The following ABCG5 variants were observed in gnomAD, a reference collection of about 807,000 sequenced individuals.
ABCG5 encodes ATP binding cassette subfamily G member 5, also known as ATP-binding cassette sub-family G member 5.
A neutral mutation model predicts 64.5 loss-of-function variants in ABCG5; 64 were observed. The observed-to-expected ratio is 0.99, with a 90% CI of 0.81 to 1.22. ABCG5 has a LOEUF of 1.22. Among genes scored for constraint, ABCG5 ranks in the 50% most tolerant of loss-of-function variants. ABCG5 has a pLI of 0.00. For synonymous variants in ABCG5, 385 were observed against 326.3 expected (o/e 1.18, Z -1.94); for missense variants, 908 against 829.5 (o/e 1.09, Z -1.16).
chr2:43,835,839 C>T (rs184704758), intron 2 of ABCG5, among the ~76,000 whole-genome samples: 1 of 152,240 alleles, frequency 6.6e-6, no homozygotes, highest in Non-Finnish European at 1.5e-5. Flanking sequence ...ACTTCCCAGC[C>T]CCTAGAACTG....
At chr2:43,829,826 G>A (rs1430080757) in intron 4 of ABCG5, among the ~76,000 whole-genome samples, 1 of 152,166 alleles carries the variant, frequency 6.6e-6, no homozygotes, top group Non-Finnish European at 1.5e-5. Flanking sequence ...AATGACTTGT[G>A]GACCAACATT....
At chr2:43,837,711 G>A (rs1169170654) in intron 2 of ABCG5, 123 bp downstream of exon 2, 4 of 1,301,728 alleles carry the variant, frequency 3.1e-6, no homozygotes, top group Non-Finnish European at 4.4e-6. Flanking sequence ...TTCACAGTCA[G>A]ATATCAATAG....
intron 2 of ABCG5, among the ~76,000 whole-genome samples, chr2:43,834,491 C>G (rs984257984): frequency 7.9e-5 from 12 of 152,084 alleles, no homozygotes; most frequent in African/African-American, 2.7e-4. Flanking sequence ...TTTTAAGCCA[C>G]TAAATTTTGG....
chr2:43,816,567 G>A (rs571472424), intron 11 of ABCG5, among the ~76,000 whole-genome samples: 3 of 152,010 alleles, frequency 2.0e-5, no homozygotes, highest in African/African-American at 4.8e-5. Flanking sequence ...TTTTTTGAAC[G>A]GAGTCTTGTT....
downstream of ABCG5, chr2:43,809,890 C>A (rs1156662632): frequency 2.0e-5 from 28 of 1,433,386 alleles, no homozygotes; most frequent in Non-Finnish European, 2.5e-5. Flanking sequence ...AAAGGACAAG[C>A]TGGATTTCTT....
intron 4 of ABCG5, chr2:43,828,384 C>T (rs1295840095): frequency 2.0e-6 from 1 of 491,402 alleles, no homozygotes; most frequent in Non-Finnish European, 3.7e-6. Context: ...GCCTGTAATC[C>T]CAATACTTTG....
rs1317823441 is a variant in ABCG5, at chr2:43,813,713, T to A, written c.1763-404A>T. On this transcript the variant is annotated intron_variant, in intron 12 of 12. Coordinates refer to ENST00000405322, the MANE Select transcript of ABCG5 (RefSeq NM_022436.3). ...TTTTTTGGGGTTTTTTTTTTCGTTT[T>A]TTTTTTTTTTTTTTTTTTTTTTGAG... Among the ~76,000 whole-genome samples the A allele has an allele frequency of 3.5e-4, 40 of 115,314 alleles. 1 individual carries two copies. Among genetic ancestry groups the A allele is most frequent in the African/African-American group, 1.3e-3 (34 of 26,442 alleles). The allele number at this position is 115,314 out of a possible 152,430, so 75.7% of individuals were successfully genotyped here.
At chr2:43,814,698 C>G in intron 11 of ABCG5, 109 bp from the exon 12 acceptor site, 1 of 654,926 alleles carries the variant, frequency 1.5e-6, no homozygotes, top group Non-Finnish European at 2.7e-6. Context: ...AGTTTTCTAT[C>G]TCCTTATTAT....
intron 2 of ABCG5, among the ~76,000 whole-genome samples, chr2:43,837,120 CTTT>C (rs113990483): frequency 1.3e-4 from 17 of 131,318 alleles, no homozygotes; most frequent in South Asian, 2.6e-4. Context: ...ATTCTCCAGT[CTTT>C]TTTTTTTTTT....
At chr2:43,809,592 T>C (rs549847993), downstream of ABCG5, 8 of 705,180 alleles carry the variant, frequency 1.1e-5, no homozygotes, top group South Asian at 3.5e-5. Flanking sequence ...TTTAGAATGA[T>C]AATGCTACTA....
intron 4 of ABCG5, among the ~76,000 whole-genome samples, chr2:43,831,360 A>G (rs539456141): frequency 6.6e-6 from 1 of 152,110 alleles, no homozygotes; most frequent in Admixed American, 6.5e-5. Flanking sequence ...TTTTATAGAG[A>G]CTGAGTCTCG....
intron 4 of ABCG5, among the ~76,000 whole-genome samples, chr2:43,830,819 C>G (rs1164794390): frequency 6.6e-6 from 1 of 152,184 alleles, no homozygotes; most frequent in Non-Finnish European, 1.5e-5. Context: ...GTGGGTTTAC[C>G]TGTGGCTACT....
rs903825995 is a variant in ABCG5 at position 43,838,075 on chromosome 2, C to G, written c.144-120G>C. 7 of 1,397,312 alleles carry G rather than the reference C, an allele frequency of 5.0e-6. No individual in the cohort carries two copies. Among genetic ancestry groups the G allele is most frequent in the Non-Finnish European group, 7.0e-6 (7 of 1,003,834 alleles). 86.6% of individuals were successfully genotyped at this position (1,397,312 alleles called of 1,614,324 possible). On this transcript the variant is annotated intron_variant, in intron 1 of 12. Coordinates refer to ENST00000405322, the MANE Select transcript of ABCG5 (RefSeq NM_022436.3). This position sits in a 1 kb window ranked among gnomAD's most constrained non-coding sequence, Gnocchi z 4.2. ...CAGTAGTCTCCGGACAGGCTCCTAA[C>G]GTGTTTCAGTCTCTGCGCCCTCCTC... is the stretch of plus-strand genomic sequence containing the variant.
intron 2 of ABCG5, among the ~76,000 whole-genome samples, chr2:43,835,187 C>T (rs1668187417): frequency 6.6e-6 from 1 of 152,162 alleles, no homozygotes; most frequent in Admixed American, 6.5e-5. Context: ...CACTCCCCCA[C>T]CCCAATCAAG....
rs754306032 is a variant in ABCG5 at position 43,824,435 on chromosome 2, A to G, written c.905-3T>C. On this transcript the variant is annotated splice_polypyrimidine_tract_variant and splice_region_variant and intron_variant, in intron 7 of 12. Coordinates refer to ENST00000405322, the MANE Select transcript of ABCG5 (RefSeq NM_022436.3). ...GGTATCCACTGACGTCAGGTCCACT[A>G]AAAGTTTTTCCCAAAAGATGTCACC... The G allele has an allele frequency of 1.5e-5, 25 of 1,613,384 alleles. No individual in the cohort carries two copies. The African/African-American group carries it at 3.1e-4, about 20-fold the overall frequency.
At chr2:43,813,782 A>G (rs529678534) in intron 12 of ABCG5, among the ~76,000 whole-genome samples, 1 of 126,418 alleles carries the variant, frequency 7.9e-6, no homozygotes, top group African/African-American at 3.1e-5. Flanking sequence ...CAGTGGCTCG[A>G]TCTGGGCTCA....
chr2:43,808,354 A>T (rs533835147), downstream of ABCG5, among the ~76,000 whole-genome samples: 2 of 152,154 alleles, frequency 1.3e-5, no homozygotes, highest in East Asian at 3.9e-4. Context: ...CTTAGGGTAT[A>T]GGTATGAAAG....
In ABCG5 at chr2:43,824,983, C is replaced by G. The variant is rs757395824; in HGVS notation, c.810G>C (p.Glu270Asp). ...FDKIAILSFG[E>D]LIFCGTPAEM... The stretch of plus-strand genomic sequence containing the variant: ...CCGCTGGCGTGCCACAGAAAATCAG[C>G]TCTCCGAAGCTCAGGATGGCAATTT... Residue 270 changes from glutamate (E) to aspartate (D), a missense_variant, in exon 7 of 13, where the codon GAG becomes GAC. Glu to Asp is a conservative substitution (Grantham distance 45). Transcript: ENST00000405322. The G allele has an allele frequency of 5.0e-6, 8 of 1,613,970 alleles. No individual in the cohort carries two copies. The highest frequency in any genetic ancestry group is 3.4e-6 in the Non-Finnish European group (4 of 1,179,930).
In ABCG5 at chr2:43,822,826, G is replaced by A. The variant is rs1199925517; in HGVS notation, c.1434C>T (p.Ala478=). 3 of 1,614,022 alleles carry A rather than the reference G, an allele frequency of 1.9e-6. No individual in the cohort carries two copies. The highest frequency in any genetic ancestry group is 1.1e-5 in the South Asian group (1 of 91,082). ...ALHVLPFSVV[A]TMIFSSVCYW... is the part of the protein sequence containing the mutation. Reference sequence around the variant, plus strand: ...AGCACACACTGCTGAAAATCATGGTGGCAACAACGCTGAAGGGGAGGACGT... The same window carrying A: ...AGCACACACTGCTGAAAATCATGGTAGCAACAACGCTGAAGGGGAGGACGT... The change falls in exon 10 of 13, where the codon GCC becomes GCT. Residue 478 remains alanine (A), a synonymous_variant. Transcript: ENST00000405322.
Sources: gnomAD v4.1 joint callset for allele counts (sites outside exome capture counted in the v4.1 genomes callset) on GRCh38, gnomAD v4.1.1 for gene constraint, Gnocchi (gnomAD v3.1) non-coding constraint, MANE v1.5 for transcripts, NCBI Gene and HGNC (gene_info 2026-07-23, HGNC 2026-07-21) for gene names.